Variants in PTPRK observed in about 807,000 individuals in gnomAD.
PTPRK encodes the protein protein tyrosine phosphatase receptor type K.
PTPRK carries 75 observed loss-of-function variants against 178.0 expected under a neutral mutation model. That is an observed-to-expected ratio of 0.42 (90% confidence interval 0.35 to 0.51). PTPRK has a LOEUF of 0.51. PTPRK is among the 20% of genes least tolerant of loss of function. PTPRK has a pLI of 0.02. For synonymous variants in PTPRK, 637 were observed against 620.6 expected (o/e 1.03, Z -0.39); for missense variants, 1,441 against 1,797.8 (o/e 0.80, Z 3.59).
intron 5 of PTPRK, among the ~76,000 whole-genome samples, chr6:128,223,802 G>C (rs948021760): frequency 1.3e-5 from 2 of 152,104 alleles, no homozygotes; most frequent in Non-Finnish European, 2.9e-5. Context: ...CCTGTTAGCA[G>C]GACTAAAATT....
chr6:128,226,779 T>TATAG (rs1445573655), intron 5 of PTPRK, among the ~76,000 whole-genome samples: 2 of 140,612 alleles, frequency 1.4e-5, no homozygotes, highest in Non-Finnish European at 3.0e-5. Flanking sequence ...TATATATATA[T>TATAG]ATATATATAT....
chr6:128,184,772 A>G, intron 6 of PTPRK, 47 bp from the exon 7 acceptor site: 1 of 1,547,306 alleles, frequency 6.5e-7, no homozygotes, highest in Non-Finnish European at 8.8e-7. Context: ...TTAAAATAAT[A>G]CAAAGATATA....
chr6:128,265,558 T>C (rs890559879), intron 3 of PTPRK, among the ~76,000 whole-genome samples: 2 of 152,124 alleles, frequency 1.3e-5, no homozygotes, highest in African/African-American at 4.8e-5. Flanking sequence ...CGCACAGCTA[T>C]TCAGTGGCAG....
intron 1 of PTPRK, among the ~76,000 whole-genome samples, chr6:128,492,873 C>A (rs1241840735): frequency 6.6e-6 from 1 of 152,144 alleles, no homozygotes; most frequent in Non-Finnish European, 1.5e-5. Flanking sequence ...AAGCCTAGAC[C>A]TGCTTTCTCC....
intron 2 of PTPRK, among the ~76,000 whole-genome samples, chr6:128,351,653 T>A (rs1413132105): frequency 2.6e-5 from 4 of 152,226 alleles, no homozygotes; most frequent in Admixed American, 2.6e-4. Context: ...GGGCAAAAAC[T>A]TTCAAACATT....
At chr6:128,083,256 G>C (rs1785140812) in intron 9 of PTPRK, among the ~76,000 whole-genome samples, 1 of 151,942 alleles carries the variant, frequency 6.6e-6, no homozygotes, top group Non-Finnish European at 1.5e-5. Flanking sequence ...TATATTCAAA[G>C]TTGAAATGAA....
chr6:127,992,412 C>T (rs1019358149), intron 19 of PTPRK, among the ~76,000 whole-genome samples: 1 of 151,726 alleles, frequency 6.6e-6, no homozygotes, highest in Non-Finnish European at 1.5e-5. Flanking sequence ...GTGCTCTGAC[C>T]TATCTGTGTA....
At chr6:128,082,817 G>A (rs530405540) in intron 9 of PTPRK, among the ~76,000 whole-genome samples, 179 bp from the exon 10 acceptor site, 1 of 151,720 alleles carries the variant, frequency 6.6e-6, no homozygotes, top group African/African-American at 2.4e-5. Flanking sequence ...CTGTCTATAT[G>A]TCAATCAATC....
intron 1 of PTPRK, among the ~76,000 whole-genome samples, chr6:128,442,676 C>T (rs924954156): frequency 7.9e-5 from 12 of 152,250 alleles, no homozygotes; most frequent in Admixed American, 3.3e-4. Flanking sequence ...TCATACATAA[C>T]GAAAAGTATC....
chr6:128,158,711 T>C (rs919087873), intron 7 of PTPRK, among the ~76,000 whole-genome samples: 24 of 151,958 alleles, frequency 1.6e-4, no homozygotes, highest in African/African-American at 5.8e-4. Flanking sequence ...GCATTACTGT[T>C]GTCAAATACT....
At chr6:128,210,903 A>C (rs1243890870) in intron 6 of PTPRK, among the ~76,000 whole-genome samples, 1 of 152,156 alleles carries the variant, frequency 6.6e-6, no homozygotes, top group African/African-American at 2.4e-5. Flanking sequence ...GTTTAATACA[A>C]GGACAGATTC....
At chr6:128,209,595 C>A (rs146939377) in intron 6 of PTPRK, among the ~76,000 whole-genome samples, 215 of 152,242 alleles carry the variant, frequency 1.4e-3, no homozygotes, top group African/African-American at 5.0e-3. Context: ...CTTTATACCT[C>A]ACTATTTTTG....
chr6:128,303,549 T>C (rs1397359574), intron 3 of PTPRK, among the ~76,000 whole-genome samples: 2 of 152,202 alleles, frequency 1.3e-5, no homozygotes, highest in Non-Finnish European at 2.9e-5. Flanking sequence ...AATAAAATGA[T>C]TTCATATGGG....
chr6:127,976,290 T>A (rs1176259533), intron 27 of PTPRK, among the ~76,000 whole-genome samples: 1 of 125,198 alleles, frequency 8.0e-6, no homozygotes, highest in Non-Finnish European at 1.7e-5. Flanking sequence ...GCAATGTTCT[T>A]ATTTTTTTTA....
At chr6:128,197,983 T>C (rs1314104990) in intron 6 of PTPRK, among the ~76,000 whole-genome samples, 4 of 152,054 alleles carry the variant, frequency 2.6e-5, no homozygotes, top group Non-Finnish European at 5.9e-5. Flanking sequence ...GCCAGTGGCA[T>C]TATCCCAATT....
intron 12 of PTPRK, among the ~76,000 whole-genome samples, chr6:128,067,278 C>G (rs960286655): frequency 1.3e-5 from 2 of 152,078 alleles, no homozygotes; most frequent in African/African-American, 4.8e-5. Context: ...TGTGGGCTTT[C>G]CTGAGGAAGG....
intron 7 of PTPRK, among the ~76,000 whole-genome samples, chr6:128,149,081 A>G (rs1318852007): frequency 6.8e-6 from 1 of 148,058 alleles, no homozygotes; most frequent in Non-Finnish European, 1.5e-5. Flanking sequence ...GCTTGATATA[A>G]TGGTGTAGAC....
intron 3 of PTPRK, among the ~76,000 whole-genome samples, chr6:128,319,827 C>A (rs537600388): frequency 1.6e-4 from 24 of 152,068 alleles, no homozygotes; most frequent in Non-Finnish European, 2.9e-4. Context: ...TGTTTCTAAT[C>A]ACAAATGTAC....
At chr6:128,455,122 G>A (rs897698536) in intron 1 of PTPRK, among the ~76,000 whole-genome samples, 7 of 152,034 alleles carry the variant, frequency 4.6e-5, no homozygotes, top group South Asian at 2.1e-4. Flanking sequence ...TTATGTATCA[G>A]AAAAATAATA....
Sources: allele counts gnomAD v4.1 joint callset (sites outside exome capture counted in the v4.1 genomes callset), GRCh38; gene constraint gnomAD v4.1.1; transcripts MANE v1.5; gene names NCBI Gene and HGNC (gene_info 2026-07-23, HGNC 2026-07-21).